DTNA: variants seen among roughly 807,000 people sequenced by gnomAD.
The protein encoded by DTNA is dystrobrevin alpha, also known as dystrophin-related protein 3.
In DTNA, 43 loss-of-function variants were observed where a neutral mutation model predicts 100.7. The ratio of observed to expected loss-of-function variants is 0.43; its 90% CI spans 0.33 to 0.55. DTNA has a LOEUF of 0.55. Ranked by LOEUF, DTNA falls within the 20% of genes least tolerant of loss-of-function variation. The pLI, the probability that DTNA is intolerant of heterozygous loss-of-function variation, is 0.04. For missense variants in DTNA, 798 were observed against 953.9 expected, an observed-to-expected ratio of 0.84 and a Z score of 2.15; for synonymous variants, 349 against 347.9, an observed-to-expected ratio of 1.00 and a Z score of -0.04.
chr18:34,581,528 G>C (rs2048633458), intron 1 of DTNA, among the ~76,000 whole-genome samples: 1 of 151,872 alleles, frequency 6.6e-6, no homozygotes, highest in Non-Finnish European at 1.5e-5. Flanking sequence ...AAATTTGATA[G>C]AGAAGAGAAA....
At chr18:34,744,338 T>A (rs2091220976) in intron 1 of DTNA, among the ~76,000 whole-genome samples, 1 of 152,166 alleles carries the variant, frequency 6.6e-6, no homozygotes, top group Non-Finnish European at 1.5e-5. Context: ...GTGTTCTGAG[T>A]ATACAGTGAT....
At chr18:34,726,402 C>G (rs2086699750) in intron 1 of DTNA, among the ~76,000 whole-genome samples, 1 of 152,172 alleles carries the variant, frequency 6.6e-6, no homozygotes, top group South Asian at 2.1e-4. Context: ...TCCAGCATCA[C>G]TCAAAAGTCC....
At chr18:34,830,983 G>A (rs1411219908) in intron 11 of DTNA, among the ~76,000 whole-genome samples, 1 of 152,146 alleles carries the variant, frequency 6.6e-6, no homozygotes, top group African/African-American at 2.4e-5. Flanking sequence ...ATTATTGCAA[G>A]GACTGACCAC....
chr18:34,648,005 G>A (rs2060041897), intron 1 of DTNA, among the ~76,000 whole-genome samples: 2 of 152,196 alleles, frequency 1.3e-5, no homozygotes, highest in Non-Finnish European at 1.5e-5. Flanking sequence ...TCTTTCTGAG[G>A]AAATAATATT....
At chr18:34,668,637 G>A (rs538762678) in intron 1 of DTNA, among the ~76,000 whole-genome samples, 6 of 152,006 alleles carry the variant, frequency 3.9e-5, no homozygotes, top group Admixed American at 1.3e-4. Flanking sequence ...CTTTGTTCTC[G>A]TTGGTTTCAA....
intron 3 of DTNA, among the ~76,000 whole-genome samples, chr18:34,769,433 T>C (rs1317124441): frequency 6.6e-6 from 1 of 152,182 alleles, no homozygotes; most frequent in Non-Finnish European, 1.5e-5. Context: ...CAATAAATTA[T>C]GATACCTTAT....
chr18:34,863,213 C>A (rs1468536798), intron 16 of DTNA, among the ~76,000 whole-genome samples: 1 of 152,138 alleles, frequency 6.6e-6, no homozygotes, highest in Non-Finnish European at 1.5e-5. Flanking sequence ...ATTTCTTTCC[C>A]CCTTTAAAGA....
At position 34,557,419 on chromosome 18, in the gene DTNA, G is replaced by A. The variant is rs561428780; in HGVS notation, c.-2+63905G>A. The stretch of plus-strand genomic sequence containing the variant: ...TGTTCCATTGCTGGTGAGGAACTGC[G>A]TTCCTTTGGAGGAGGAGAGGCGCTC... On this transcript the variant is annotated intron_variant, in intron 1 of 19. Transcript: ENST00000283365. 2.7e-4 allele frequency among the ~76,000 whole-genome samples: 41 copies of A among 152,084 alleles called. No individual in the cohort carries two copies. The South Asian group carries it at 6.2e-3, about 23-fold the overall frequency.
intron 1 of DTNA, among the ~76,000 whole-genome samples, chr18:34,591,720 A>C (rs2049746565): frequency 1.3e-5 from 2 of 152,162 alleles, no homozygotes; most frequent in Admixed American, 1.3e-4. Flanking sequence ...CAGTTTCCCT[A>C]AGAAACTGTC....
chr18:34,617,239 A>T (rs946368044), intron 1 of DTNA, among the ~76,000 whole-genome samples: 2 of 152,114 alleles, frequency 1.3e-5, no homozygotes, highest in South Asian at 4.1e-4. Context: ...CCCATTCAGT[A>T]TGATGTTGCC....
At chr18:34,827,132 C>T (rs17643856) in intron 9 of DTNA, among the ~76,000 whole-genome samples, 13,376 of 152,232 alleles carry the variant, frequency 0.088, 676 homozygotes, top group Non-Finnish European at 0.11. Context: ...TGTGTCCTTT[C>T]AGACCAGGCA....
intron 3 of DTNA, among the ~76,000 whole-genome samples, chr18:34,790,330 G>A (rs1204344243): frequency 1.3e-5 from 2 of 151,958 alleles, no homozygotes; most frequent in South Asian, 2.1e-4. Context: ...GAGCTCTAAG[G>A]TGGTGCATGC....
intron 4 of DTNA, among the ~76,000 whole-genome samples, chr18:34,805,785 C>CAAA (rs34255919): frequency 1.0e-3 from 130 of 129,260 alleles, no homozygotes; most frequent in African/African-American, 3.4e-3. Flanking sequence ...AATTCTCTGA[C>CAAA]AAAAAAAAAA....
intron 1 of DTNA, among the ~76,000 whole-genome samples, chr18:34,670,798 G>T (rs533454419): frequency 6.6e-6 from 1 of 152,130 alleles, no homozygotes. Flanking sequence ...GTCTCAGAGG[G>T]GTACTCAGCC....
chr18:34,556,546 G>C (rs1375788732), intron 1 of DTNA, among the ~76,000 whole-genome samples: 2 of 152,070 alleles, frequency 1.3e-5, no homozygotes, highest in Non-Finnish European at 2.9e-5. Flanking sequence ...TCCTTCAGGA[G>C]CGCTTTTAGG....
At chr18:34,596,936 G>T (rs572472690) in intron 1 of DTNA, among the ~76,000 whole-genome samples, 9 of 151,980 alleles carry the variant, frequency 5.9e-5, no homozygotes, top group Non-Finnish European at 1.3e-4. Context: ...ATGTGCCATG[G>T]TGGTTTGCTG....
intron 4 of DTNA, among the ~76,000 whole-genome samples, chr18:34,802,889 C>T (rs1212614934): frequency 6.6e-6 from 1 of 152,018 alleles, no homozygotes. Flanking sequence ...ATTTACTCTT[C>T]AAAAAAAGCT....
rs111661000 is a variant in DTNA at position 34,694,012 on chromosome 18, C to G, written c.-1-61964C>G. 4.5e-3 allele frequency among the ~76,000 whole-genome samples: 688 copies of G among 152,084 alleles called. 1 individual carries two copies. Among genetic ancestry groups the G allele is most frequent in the Non-Finnish European group, 6.2e-3 (420 of 67,996 alleles). On this transcript the variant is annotated intron_variant, in intron 1 of 19. Coordinates refer to the DTNA transcript ENST00000283365. ...TGGTCTACTACTGTTATATGAATAA[C>G]TTGTTTTATGACTGTTTCCTGTTAA... is the stretch of plus-strand genomic sequence containing the variant.
intron 16 of DTNA, among the ~76,000 whole-genome samples, chr18:34,859,446 A>T (rs9964737): frequency 2.0e-5 from 3 of 152,176 alleles, no homozygotes; most frequent in African/African-American, 4.8e-5. Flanking sequence ...TTATTTGGGT[A>T]CACCCTGTGT....
Sources: gnomAD v4.1 joint callset for allele counts (sites outside exome capture counted in the v4.1 genomes callset) on GRCh38, gnomAD v4.1.1 for gene constraint, MANE v1.5 for transcripts, NCBI Gene and HGNC (gene_info 2026-07-23, HGNC 2026-07-21) for gene names.